SMARCA2: variants seen among roughly 807,000 people sequenced by gnomAD.
The protein encoded by SMARCA2 is SWI/SNF-related matrix-associated actin-dependent regulator of chromatin subfamily A member 2.
Under a neutral mutation model 199.8 loss-of-function variants are expected in SMARCA2, and 61 were observed. The ratio of observed to expected loss-of-function variants is 0.31; its 90% CI spans 0.25 to 0.38. SMARCA2 has a LOEUF of 0.38. SMARCA2 is among the 10% of genes least tolerant of loss of function. The pLI is 1.00. For missense variants in SMARCA2, 1,344 were observed against 2,012.2 expected, an observed-to-expected ratio of 0.67 and a Z score of 6.35; for synonymous variants, 935 against 732.0, an observed-to-expected ratio of 1.28 and a Z score of -4.48.
At chr9:2,168,496 G>A (rs537489078) in intron 28 of SMARCA2, among the ~76,000 whole-genome samples, 3 of 152,280 alleles carry the variant, frequency 2.0e-5, no homozygotes, top group East Asian at 1.9e-4. Flanking sequence ...CAGAAGGGCA[G>A]GGCTCTTATT....
In SMARCA2 at chr9:2,076,207, C is replaced by G. The variant is rs375021053; in HGVS notation, c.1936-22C>G. The G allele has an allele frequency of 2.3e-6, 3 of 1,278,454 alleles. No individual in the cohort carries two copies. The African/African-American group carries it at 4.4e-5, about 19-fold the overall frequency. The allele number at this position is 1,278,454 out of a possible 1,614,324, so 79.2% of individuals were successfully genotyped here. On this transcript the variant is annotated intron_variant, in intron 12 of 33. Coordinates refer to ENST00000349721, the MANE Select transcript of SMARCA2 (RefSeq NM_003070.5). ...TTCCTTGTTAAAATATAATTTCCTC[C>G]CTATCTTTGTTCCTTTTCCAGGATG...
chr9:2,175,845 A>G (rs894874939), intron 29 of SMARCA2, among the ~76,000 whole-genome samples: 2 of 151,918 alleles, frequency 1.3e-5, no homozygotes, highest in African/African-American at 4.8e-5. Context: ...CTGCACTACA[A>G]TTTGATATCC....
At chr9:2,044,165 C>T (rs1003601471) in intron 4 of SMARCA2, 2 of 152,190 alleles carry the variant, frequency 1.3e-5, no homozygotes, top group Non-Finnish European at 2.9e-5. Flanking sequence ...TTGGGCAAGG[C>T]TAATTGCAGC....
intron 9 of SMARCA2, among the ~76,000 whole-genome samples, chr9:2,063,789 G>T (rs1313102340): frequency 6.7e-6 from 1 of 150,296 alleles, no homozygotes. Context: ...GTCTTTCTTT[G>T]GGAGTTTATT....
chr9:2,158,160 CAAAAAAAAAAAAAAA>C (rs532618380), intron 27 of SMARCA2: 1 of 87,868 alleles, frequency 1.1e-5, no homozygotes, highest in East Asian at 3.8e-4. Flanking sequence ...GAAAGAGGGC[CAAAAAAAAAAAAAAA>C]AAAAAAAAAG....
intron 12 of SMARCA2, among the ~76,000 whole-genome samples, chr9:2,074,363 G>T (rs2130431065): frequency 6.6e-6 from 1 of 152,208 alleles, no homozygotes; most frequent in East Asian, 1.9e-4. Context: ...ATTGTCATTA[G>T]ATCTGATATT....
chr9:2,144,306 G>A (rs947395536), intron 27 of SMARCA2, among the ~76,000 whole-genome samples: 3 of 152,114 alleles, frequency 2.0e-5, no homozygotes, highest in Admixed American at 6.5e-5. Flanking sequence ...CGACCCCTGC[G>A]TACTGTGACT....
intron 27 of SMARCA2, chr9:2,158,700 A>T: frequency 2.6e-6 from 1 of 383,026 alleles, no homozygotes; most frequent in Non-Finnish European, 4.6e-6. Flanking sequence ...AGTTTGAGTC[A>T]GTTGAGCCAG....
chr9:2,179,595 AT>A, intron 29 of SMARCA2, among the ~76,000 whole-genome samples: 1 of 152,280 alleles, frequency 6.6e-6, no homozygotes, highest in South Asian at 2.1e-4. Context: ...TCATACCTAG[AT>A]TGTTTTAGCC....
intron 29 of SMARCA2, among the ~76,000 whole-genome samples, chr9:2,174,692 A>C (rs1826439525): frequency 6.6e-6 from 1 of 152,074 alleles, no homozygotes; most frequent in East Asian, 1.9e-4. Context: ...AGGCCGAGGC[A>C]AGCGGATTGC....
chr9:2,161,728 C>T lies in SMARCA2; in HGVS notation c.4024C>T (p.Arg1342Trp), dbSNP rs1434284433. 4 of 1,613,834 alleles carry T rather than the reference C, an allele frequency of 2.5e-6. No individual in the cohort carries two copies. Among genetic ancestry groups the T allele is most frequent in the Non-Finnish European group, 2.5e-6 (3 of 1,179,916 alleles). ...TTTGGAGGAAATGGAAGAGGAAGTACGGCTTAAGAAGCGAAAAAGACGAAG... is the reference window on the plus strand; with the variant it reads ...TTTGGAGGAAATGGAAGAGGAAGTATGGCTTAAGAAGCGAAAAAGACGAAG... ...GNLEEMEEEV[R>W]LKKRKRRRNV... is the part of the protein sequence containing the mutation. The change falls in exon 28 of 34, where the codon CGG (arginine) becomes TGG (tryptophan). Residue 1342 changes from arginine to tryptophan, a missense_variant. Physicochemically the swap from Arg to Trp is moderately radical, Grantham distance 101 (BLOSUM62 -3). Transcript: ENST00000349721. This position sits in a 1 kb window ranked among gnomAD's most constrained non-coding sequence, Gnocchi z 4.7.
At chr9:2,058,163 C>A (rs1820437001) in intron 7 of SMARCA2, 128 bp from the exon 8 acceptor site, 2 of 812,930 alleles carry the variant, frequency 2.5e-6, no homozygotes, top group East Asian at 2.5e-5. Context: ...CACCTATCCC[C>A]AAACAGATTC....
intron 27 of SMARCA2, among the ~76,000 whole-genome samples, chr9:2,140,914 T>G (rs1824432118): frequency 6.6e-6 from 1 of 152,128 alleles, no homozygotes; most frequent in African/African-American, 2.4e-5. Flanking sequence ...GAGGACTTTT[T>G]TTTTTAAGGG....
chr9:2,112,737 T>C (rs1823057470), intron 24 of SMARCA2, among the ~76,000 whole-genome samples: 1 of 152,212 alleles, frequency 6.6e-6, no homozygotes, highest in Admixed American at 6.5e-5. Context: ...AGATTTTTCA[T>C]CTGTCACTGA....
In SMARCA2 at chr9:2,056,556, A is replaced by C; in HGVS notation, c.1174-116A>C. On this transcript the variant is annotated intron_variant, in intron 6 of 33. Transcript: ENST00000349721. The surrounding 1 kb of genome is among the most constrained non-coding windows in gnomAD (Gnocchi z 4.0). ...TAATACAAACCAAAGGTGATTGAGA[A>C]GCTTGTGGAGATTCCCCGCCCCACT... The C allele has an allele frequency of 1.2e-6, 1 of 842,364 alleles. No individual in the cohort carries two copies. The highest frequency in any genetic ancestry group is 1.8e-6 in the Non-Finnish European group (1 of 552,760). 52.2% of individuals were successfully genotyped at this position (842,364 alleles called of 1,614,324 possible).
intron 27 of SMARCA2, among the ~76,000 whole-genome samples, chr9:2,138,506 A>T (rs1364345718): frequency 6.6e-6 from 1 of 152,208 alleles, no homozygotes; most frequent in Non-Finnish European, 1.5e-5. Flanking sequence ...ACCTTTGTAG[A>T]ACCTTTTTCC....
intron 27 of SMARCA2, chr9:2,158,638 G>A (rs961641043): frequency 6.3e-5 from 18 of 283,746 alleles, no homozygotes; most frequent in African/African-American, 3.7e-4. Flanking sequence ...TTAGCATTGT[G>A]TAGCAAGTTT....
In SMARCA2 at chr9:2,180,838, A is replaced by G. The variant is rs577557182; in HGVS notation, c.4254-733A>G. 2.6e-4 allele frequency among the ~76,000 whole-genome samples: 39 copies of G among 152,202 alleles called. No homozygotes were observed. The East Asian group carries it at 6.7e-3, about 26-fold the overall frequency. On this transcript the variant is annotated intron_variant, in intron 29 of 33. Transcript: ENST00000349721. ...GAACCTGCTTTCAAATAAACTTACC[A>G]TGAATTTGGGGGAGGGTACAGCACT...
At chr9:2,143,813 G>C (rs1296401480) in intron 27 of SMARCA2, among the ~76,000 whole-genome samples, 1 of 152,178 alleles carries the variant, frequency 6.6e-6, no homozygotes, top group Non-Finnish European at 1.5e-5. Context: ...TTCCCAATTG[G>C]TGACTCCAAA....
Sources: allele counts gnomAD v4.1 joint callset (sites outside exome capture counted in the v4.1 genomes callset), GRCh38; gene constraint gnomAD v4.1.1; non-coding constraint Gnocchi (gnomAD v3.1); transcripts MANE v1.5; gene names NCBI Gene and HGNC (gene_info 2026-07-23, HGNC 2026-07-21).